Variants in DOCK6 observed in about 807,000 individuals in gnomAD.
DOCK6 encodes dedicator of cytokinesis protein 6.
In DOCK6, 167 loss-of-function variants were observed where a neutral mutation model predicts 230.3. The observed-to-expected ratio is 0.73, with a 90% CI of 0.64 to 0.82. The LOEUF (loss-of-function observed/expected upper bound fraction) is 0.82, where lower values mean the gene tolerates loss of function less well. Among genes scored for constraint, DOCK6 ranks in the 40% least tolerant of loss-of-function variants. The pLI, the probability that DOCK6 is intolerant of heterozygous loss-of-function variation, is 0.00. For synonymous variants in DOCK6, 1,148 were observed against 1,185.0 expected (o/e 0.97, Z 0.64); for missense variants, 2,598 against 2,825.8 (o/e 0.92, Z 1.83).
At chr19:11,226,429 C>T (rs983886859) in intron 24 of DOCK6, among the ~76,000 whole-genome samples, 2 of 152,186 alleles carry the variant, frequency 1.3e-5, no homozygotes, top group South Asian at 2.1e-4. Context: ...GAGGGCAAGG[C>T]GGGCAGATCA....
At chr19:11,220,352 A>C (rs2079560975) in intron 28 of DOCK6, among the ~76,000 whole-genome samples, 1 of 152,182 alleles carries the variant, frequency 6.6e-6, no homozygotes, top group South Asian at 2.1e-4. Context: ...CAACAGAGGG[A>C]GGAGTTGTCA....
Position 11,248,201 on chromosome 19 carries a change from C to G in DOCK6, c.721-50G>C, listed in dbSNP as rs781074523. 4.1e-6 allele frequency: 6 copies of G among 1,447,968 alleles called. No homozygotes were observed. In the East Asian group the frequency reaches 1.4e-4, roughly 34 times the overall value. 89.7% of individuals were successfully genotyped at this position (1,447,968 alleles called of 1,614,324 possible). Reference sequence around the variant, plus strand: ...TGGGCGGGAGGAGCTGGGACATCCTCCAGGAAGGGTCTGGAATGCCCAGCC... The same window carrying G: ...TGGGCGGGAGGAGCTGGGACATCCTGCAGGAAGGGTCTGGAATGCCCAGCC... On this transcript the variant is annotated intron_variant, in intron 6 of 47. Transcript: ENST00000294618.
chr19:11,244,879 TC>T (rs1410876426), intron 9 of DOCK6, among the ~76,000 whole-genome samples: 8 of 152,224 alleles, frequency 5.3e-5, no homozygotes, highest in Middle Eastern at 3.4e-3. Context: ...CAGTTGTGAG[TC>T]ACTGTGCCTG....
chr19:11,259,437 A>C (rs11667500), intron 1 of DOCK6, among the ~76,000 whole-genome samples: 1 of 145,524 alleles, frequency 6.9e-6, no homozygotes, highest in African/African-American at 2.7e-5. Context: ...AGGATGGGGG[A>C]GAGAGAGAGA....
chr19:11,224,908 C>A (rs1030691860), intron 24 of DOCK6, among the ~76,000 whole-genome samples: 4 of 152,010 alleles, frequency 2.6e-5, no homozygotes, highest in Admixed American at 2.0e-4. Flanking sequence ...ACTAAAAATA[C>A]AAAAAATTAG....
chr19:11,237,055 T>C, intron 18 of DOCK6, 176 bp from the exon 19 acceptor site: 1 of 632,562 alleles, frequency 1.6e-6, no homozygotes, highest in Non-Finnish European at 2.7e-6. Flanking sequence ...CTGGGCAGGC[T>C]GGAAATCCAC....
intron 21 of DOCK6, among the ~76,000 whole-genome samples, chr19:11,234,156 T>C (rs2147820848): frequency 6.6e-6 from 1 of 152,232 alleles, no homozygotes; most frequent in South Asian, 2.1e-4. Context: ...TGAGCCACCA[T>C]GCCCAGCTAA....
At chr19:11,228,534 C>G (rs2079707156) in intron 23 of DOCK6, among the ~76,000 whole-genome samples, 1 of 148,590 alleles carries the variant, frequency 6.7e-6, no homozygotes, top group Non-Finnish European at 1.5e-5. Context: ...TCAAATATCT[C>G]AGGTGCAATT....
chr19:11,240,287 G>T (rs2147842531), intron 14 of DOCK6: 1 of 1,575,786 alleles, frequency 6.3e-7, no homozygotes. Context: ...GAGAATTTGA[G>T]GTCTTAAAGG....
rs759743610 is a variant in DOCK6, at chr19:11,243,675, G to C, written c.1140C>G (p.Ala380=). The C allele has an allele frequency of 6.2e-7, 1 of 1,613,258 alleles. No homozygotes were observed. The highest frequency in any genetic ancestry group is 1.1e-5 in the South Asian group (1 of 91,046). Residue 380 remains alanine, a synonymous_variant, in exon 11 of 48, where the codon GCC becomes GCG. Coordinates refer to ENST00000294618, the MANE Select transcript of DOCK6 (RefSeq NM_020812.4). The surrounding 1 kb of genome is among the most constrained non-coding windows in gnomAD (Gnocchi z 6.3). ...GGCCCAGGCGGGTGCAGAACTGCTC[G>C]GCCGCCAGGCGCAGCTTCTCTAGCT... ...KEKLEKLRLA[A]EQFCTRLGRY... is the part of the protein sequence containing the mutation.
intron 9 of DOCK6, among the ~76,000 whole-genome samples, chr19:11,244,552 C>T (rs550800945): frequency 3.3e-5 from 5 of 150,602 alleles, no homozygotes; most frequent in South Asian, 2.1e-4. Context: ...CCTCTGCCTC[C>T]CGGGTTCAAG....
chr19:11,247,771 C>G lies in DOCK6; in HGVS notation c.806+295G>C. The G allele has an allele frequency of 6.3e-6, 2 of 319,168 alleles. 1 individual carries two copies. The highest frequency in any genetic ancestry group is 8.1e-5 in the South Asian group (2 of 24,626). 19.8% of individuals were successfully genotyped at this position (319,168 alleles called of 1,614,324 possible). ...ATGGTCTTGGCGTCATGTCACCACT[C>G]TGTGCCTCAGTTTCCCCACCTGTGC... On this transcript the variant is annotated intron_variant, in intron 7 of 47. Transcript: ENST00000294618.
At chr19:11,225,569 G>A (rs2079650765) in intron 24 of DOCK6, among the ~76,000 whole-genome samples, 2 of 152,040 alleles carry the variant, frequency 1.3e-5, no homozygotes, top group South Asian at 4.1e-4. Flanking sequence ...GCACGCACCT[G>A]TAGCCCCAGC....
Position 11,202,666 on chromosome 19 carries a change from T to G in DOCK6, c.5279A>C (p.His1760Pro), listed in dbSNP as rs2079190380. The G allele has an allele frequency of 6.2e-7, 1 of 1,613,772 alleles. No individual in the cohort carries two copies. The highest frequency in any genetic ancestry group is 8.5e-7 in the Non-Finnish European group (1 of 1,179,892). Residue 1760 changes from histidine to proline, a missense_variant, in exon 42 of 48, where the codon CAC (histidine) becomes CCC (proline). By Grantham distance (77) the His-to-Pro change is moderately conservative (BLOSUM62 -2). Transcript: ENST00000294618. The surrounding 1 kb of genome is among the most constrained non-coding windows in gnomAD (Gnocchi z 5.3). ...TYFRVGFYGA[H>P]FGDLDEQEFV... Reference sequence around the variant, plus strand: ...CTCCTGCTCATCCAGGTCACCGAAGTGGGCGCCGTAGAAGCCCACGCGGAA... The same window carrying G: ...CTCCTGCTCATCCAGGTCACCGAAGGGGGCGCCGTAGAAGCCCACGCGGAA...
chr19:11,237,341 TG>T, intron 18 of DOCK6, 114 bp downstream of exon 18: 1 of 1,137,676 alleles, frequency 8.8e-7, no homozygotes, highest in Non-Finnish European at 1.3e-6. Context: ...ACGGGGGCCC[TG>T]GAGGCACCAG....
intron 1 of DOCK6, among the ~76,000 whole-genome samples, chr19:11,257,666 G>T (rs1255624815): frequency 6.6e-6 from 1 of 152,026 alleles, no homozygotes; most frequent in African/African-American, 2.4e-5. Flanking sequence ...GCACATGCCG[G>T]TAATCTCAGT....
intron 14 of DOCK6, 199 bp downstream of exon 14, chr19:11,241,846 A>C: frequency 1.5e-6 from 2 of 1,352,188 alleles, no homozygotes; most frequent in Non-Finnish European, 2.0e-6. Context: ...GGCGGGGACA[A>C]AGGCAGAGGA....
intron 37 of DOCK6, among the ~76,000 whole-genome samples, chr19:11,211,545 TACCTGTCTGCTCCCCTGTCCCCCTC>T (rs2079384345): frequency 2.1e-5 from 2 of 93,732 alleles, no homozygotes; most frequent in Non-Finnish European, 2.2e-5. Context: ...CTATCCCCCT[TACCTGTCTGCTCCCCTGTCCCCCTC>T]ACCTGTCTGC....
Position 11,200,990 on chromosome 19 carries a change from G to A in DOCK6, c.5751C>T (p.Ala1917=). The change falls in exon 45 of 48, where the codon GCC becomes GCT. Residue 1917 remains alanine, a synonymous_variant. Coordinates refer to ENST00000294618, the MANE Select transcript of DOCK6 (RefSeq NM_020812.4). The surrounding 1 kb of genome is among the most constrained non-coding windows in gnomAD (Gnocchi z 4.3). ...EDMQKKTREL[A]FATEQDPPDA... ...CTGGTGGGTCCTGCTCGGTGGCAAA[G>A]GCCAGCTCCCGTGTCTTCTTCTGCA... 6.2e-7 allele frequency: 1 copy of A among 1,613,912 alleles called. No homozygotes were observed. Among genetic ancestry groups the A allele is most frequent in the Admixed American group, 1.7e-5 (1 of 60,010 alleles).
Sources: gnomAD v4.1 joint callset for allele counts (sites outside exome capture counted in the v4.1 genomes callset) on GRCh38, gnomAD v4.1.1 for gene constraint, Gnocchi (gnomAD v3.1) non-coding constraint, MANE v1.5 for transcripts, NCBI Gene and HGNC (gene_info 2026-07-23, HGNC 2026-07-21) for gene names.